The following ENOX1 variants were observed in gnomAD, a reference collection of about 807,000 sequenced individuals.
ENOX1 encodes candidate growth-related and time keeping constitutive hydroquinone (NADH) oxidase.
Under a neutral mutation model 82.5 loss-of-function variants are expected in ENOX1, and 42 were observed. That is an observed-to-expected ratio of 0.51 (90% CI 0.40 to 0.66). The LOEUF (loss-of-function observed/expected upper bound fraction) is 0.66, where lower values mean the gene tolerates loss of function less well. Ranked by LOEUF, ENOX1 falls within the 30% of genes least tolerant of loss-of-function variation. The pLI, the probability that ENOX1 is intolerant of heterozygous loss-of-function variation, is 0.00. For missense variants in ENOX1, 608 were observed against 811.6 expected, an observed-to-expected ratio of 0.75 and a Z score of 3.05; for synonymous variants, 271 against 282.2, an observed-to-expected ratio of 0.96 and a Z score of 0.40.
chr13:43,271,852 T>C (rs2044703805), intron 12 of ENOX1, among the ~76,000 whole-genome samples: 1 of 152,216 alleles, frequency 6.6e-6, no homozygotes, highest in African/African-American at 2.4e-5. Context: ...TCTAGATTTT[T>C]ATTTCAATGT....
Position 43,744,739 on chromosome 13 carries a change from T to G in ENOX1, c.-285+41913A>C, listed in dbSNP as rs139776121. 1.3e-3 allele frequency among the ~76,000 whole-genome samples: 195 copies of G among 152,330 alleles called. 4 individuals are homozygous for G. In the East Asian group the frequency reaches 0.035, roughly 28 times the overall value. ...ATACAGGGTTTGGCTTTCCAGCTAT[T>G]ATGGAAAAATTACATCTTGCCAACA... On this transcript the variant is annotated intron_variant, in intron 1 of 16. Coordinates refer to ENST00000690772, the MANE Select transcript of ENOX1 (RefSeq NM_001347969.2).
At chr13:43,528,387 G>T (rs60302020) in intron 2 of ENOX1, among the ~76,000 whole-genome samples, 4,979 of 152,068 alleles carry the variant, frequency 0.033, 270 homozygotes, top group African/African-American at 0.11. Context: ...CAAAAGGAAT[G>T]CACTTTTTAA....
At chr13:43,628,798 A>G (rs1257060329) in intron 2 of ENOX1, among the ~76,000 whole-genome samples, 1 of 152,136 alleles carries the variant, frequency 6.6e-6, no homozygotes, top group Admixed American at 6.5e-5. Context: ...TCATATTGCC[A>G]GGTATAAAGG....
chr13:43,256,580 C>A (rs1049622043), intron 14 of ENOX1, among the ~76,000 whole-genome samples: 6 of 152,096 alleles, frequency 3.9e-5, no homozygotes, highest in African/African-American at 1.4e-4. Context: ...CACTAATTAT[C>A]AGGGAAATGC....
chr13:43,435,950 C>T (rs577885506), intron 3 of ENOX1, among the ~76,000 whole-genome samples: 1 of 145,104 alleles, frequency 6.9e-6, no homozygotes, highest in East Asian at 2.0e-4. Flanking sequence ...AAAAAACCAA[C>T]CTATGTGGGA....
At chr13:43,572,870 T>C (rs2080245408) in intron 2 of ENOX1, among the ~76,000 whole-genome samples, 1 of 152,240 alleles carries the variant, frequency 6.6e-6, no homozygotes, top group Non-Finnish European at 1.5e-5. Flanking sequence ...AGGCCAGTTC[T>C]TGCCATTTTC....
intron 2 of ENOX1, among the ~76,000 whole-genome samples, chr13:43,630,764 T>C (rs1825994551): frequency 6.6e-6 from 1 of 151,984 alleles, no homozygotes; most frequent in Non-Finnish European, 1.5e-5. Context: ...TATCTAGCTA[T>C]AAATTACTGT....
At chr13:43,386,548 A>G (rs2052420848) in intron 5 of ENOX1, among the ~76,000 whole-genome samples, 1 of 152,220 alleles carries the variant, frequency 6.6e-6, no homozygotes, top group Non-Finnish European at 1.5e-5. Context: ...CATTCAGTGT[A>G]TCTGTAAGTG....
chr13:43,649,458 T>C (rs1056427995), intron 2 of ENOX1, among the ~76,000 whole-genome samples: 4 of 152,222 alleles, frequency 2.6e-5, no homozygotes, highest in Admixed American at 6.5e-5. Flanking sequence ...TCTAGTGTTG[T>C]ATATGTTAAT....
intron 11 of ENOX1, among the ~76,000 whole-genome samples, chr13:43,304,119 G>C (rs1054240421): frequency 1.1e-4 from 16 of 152,210 alleles, no homozygotes; most frequent in African/African-American, 3.4e-4. Flanking sequence ...CATGAGCTCA[G>C]CTTGCCCCGT....
chr13:43,304,398 G>T (rs887185953), intron 11 of ENOX1, among the ~76,000 whole-genome samples: 2 of 152,170 alleles, frequency 1.3e-5, no homozygotes, highest in African/African-American at 4.8e-5. Context: ...GAGGTAAAAG[G>T]TGTGGCTCTA....
chr13:43,453,416 T>A (rs2057070240), intron 3 of ENOX1, among the ~76,000 whole-genome samples: 1 of 152,140 alleles, frequency 6.6e-6, no homozygotes, highest in South Asian at 2.1e-4. Flanking sequence ...TACATTCTAG[T>A]GATGTTTATT....
intron 1 of ENOX1, among the ~76,000 whole-genome samples, chr13:43,750,415 G>A (rs1230976080): frequency 1.3e-5 from 2 of 152,172 alleles, no homozygotes. Flanking sequence ...AGAGCACACA[G>A]CAGGCTTTCA....
intron 9 of ENOX1, among the ~76,000 whole-genome samples, chr13:43,342,036 C>T (rs191284564): frequency 3.5e-4 from 53 of 152,296 alleles, no homozygotes; most frequent in Non-Finnish European, 7.2e-4. Context: ...CAGCAACCAT[C>T]GTAGACAACT....
At chr13:43,384,887 T>A (rs552456318) in intron 5 of ENOX1, among the ~76,000 whole-genome samples, 1 of 152,318 alleles carries the variant, frequency 6.6e-6, no homozygotes, top group South Asian at 2.1e-4. Context: ...CTTGAAAGGA[T>A]GATCAGTTGT....
intron 1 of ENOX1, among the ~76,000 whole-genome samples, chr13:43,760,396 C>T (rs550079060): frequency 1.3e-5 from 2 of 152,200 alleles, no homozygotes; most frequent in East Asian, 1.9e-4. Context: ...TGTATTTATA[C>T]CAGGAAGACA....
In ENOX1 at chr13:43,411,577, G is replaced by A. The variant is rs1369150771; in HGVS notation, c.208+339C>T. Among the ~76,000 whole-genome samples, 3 of 152,174 alleles carry A rather than the reference G, an allele frequency of 2.0e-5. No homozygotes were observed. In the East Asian group the frequency reaches 5.8e-4, roughly 29 times the overall value. ...AAAGAAATATCTACCTATCATAAAG[G>A]GAAGACAGTGCAATCAAATGGGATA... On this transcript the variant is annotated intron_variant, in intron 5 of 16. Transcript: ENST00000690772.
intron 8 of ENOX1, among the ~76,000 whole-genome samples, chr13:43,352,752 C>A (rs1566581617): frequency 6.6e-6 from 1 of 152,174 alleles, no homozygotes; most frequent in African/African-American, 2.4e-5. Context: ...ACAAATACAA[C>A]ACAGTGTTAC....
chr13:43,445,273 A>ATGTG (rs2056576495), intron 3 of ENOX1, among the ~76,000 whole-genome samples: 1 of 150,544 alleles, frequency 6.6e-6, no homozygotes, highest in South Asian at 2.1e-4. Flanking sequence ...ACAGGCACCC[A>ATGTG]CCACCACGCC....
Sources: gnomAD v4.1 joint callset for allele counts (sites outside exome capture counted in the v4.1 genomes callset) on GRCh38, gnomAD v4.1.1 for gene constraint, MANE v1.5 for transcripts, NCBI Gene and HGNC (gene_info 2026-07-23, HGNC 2026-07-21) for gene names.